The following ACBD5 variants were observed in gnomAD, a reference collection of about 807,000 sequenced individuals.
The protein encoded by ACBD5 is acyl-CoA-binding domain-containing protein 5.
In ACBD5, 40 loss-of-function variants were observed where a neutral mutation model predicts 71.8. That is an observed-to-expected ratio of 0.56 (90% CI 0.43 to 0.72). ACBD5 has a LOEUF of 0.72. Among genes scored for constraint, ACBD5 ranks in the 30% least tolerant of loss-of-function variants. The pLI, the probability that ACBD5 is intolerant of heterozygous loss-of-function variation, is 0.00. For missense variants in ACBD5, 559 were observed against 644.5 expected (o/e 0.87, Z 1.44); for synonymous variants, 229 against 218.6 (o/e 1.05, Z -0.42).
intron 10 of ACBD5, among the ~76,000 whole-genome samples, chr10:27,207,474 A>G (rs1011304322): frequency 6.6e-6 from 1 of 152,138 alleles, no homozygotes; most frequent in Non-Finnish European, 1.5e-5. Context: ...TTATCTTGCA[A>G]TGGAAGCATG....
intron 13 of ACBD5, among the ~76,000 whole-genome samples, chr10:27,189,620 T>C (rs1318996621): frequency 3.5e-5 from 1 of 28,950 alleles, no homozygotes; most frequent in African/African-American, 1.2e-4. Flanking sequence ...TGGGGCCTGT[T>C]GTGGGGTGGG....
chr10:27,219,318 A>AAC lies in ACBD5; in HGVS notation c.625+404_625+405insGT, dbSNP rs71919528. 7.7e-4 allele frequency among the ~76,000 whole-genome samples: 116 copies of AAC among 150,972 alleles called. No individual in the cohort carries two copies. The East Asian group carries it at 7.8e-3, about 10-fold the overall frequency. ...CGAGACTCTATCTCATAAAAAAACA[A>AAC]AAAAAAAACACTATGCCTTTATCCT... On this transcript the variant is annotated intron_variant, in intron 6 of 12. Coordinates refer to ENST00000396271, the MANE Select transcript of ACBD5 (RefSeq NM_145698.5).
downstream of ACBD5, chr10:27,195,099 G>A (rs1373031880): frequency 1.5e-5 from 4 of 261,892 alleles, no homozygotes; most frequent in Non-Finnish European, 3.0e-5. Flanking sequence ...CAAATTGTGT[G>A]GAATAGCATG....
downstream of ACBD5, among the ~76,000 whole-genome samples, chr10:27,194,026 G>A (rs2059193350): frequency 6.6e-6 from 1 of 151,606 alleles, no homozygotes; most frequent in African/African-American, 2.4e-5. Context: ...TGAGGCAGGT[G>A]AATCACCTGA....
At chr10:27,202,927 TAGA>T (rs1427822140) in intron 12 of ACBD5, among the ~76,000 whole-genome samples, 2 of 149,034 alleles carry the variant, frequency 1.3e-5, no homozygotes, top group African/African-American at 2.5e-5. Context: ...TGAAAATGTA[TAGA>T]AGAAGAAAAG....
chr10:27,224,316 G>A (rs776737031), intron 4 of ACBD5, among the ~76,000 whole-genome samples: 6 of 152,004 alleles, frequency 3.9e-5, no homozygotes, highest in Admixed American at 6.6e-5. Flanking sequence ...AATTGAGGCT[G>A]CAGTGAGCCA....
At chr10:27,232,087 A>T (rs2063941945) in intron 3 of ACBD5, among the ~76,000 whole-genome samples, 1 of 152,194 alleles carries the variant, frequency 6.6e-6, no homozygotes, top group African/African-American at 2.4e-5. Flanking sequence ...ATTTGATAAG[A>T]ATCCTTCAAA....
intron 10 of ACBD5, among the ~76,000 whole-genome samples, chr10:27,207,134 G>A (rs1430425179): frequency 6.6e-6 from 1 of 151,828 alleles, no homozygotes; most frequent in African/African-American, 2.4e-5. Flanking sequence ...AAATTAGCTG[G>A]GCATGGTGGC....
Position 27,196,419 on chromosome 10 carries a change from G to A in ACBD5, c.*1011C>T, listed in dbSNP as rs768277467. The A allele has an allele frequency of 9.7e-5, 44 of 454,348 alleles. No homozygotes were observed. Among genetic ancestry groups the A allele is most frequent in the Admixed American group, 5.9e-4 (25 of 42,534 alleles). The allele number at this position is 454,348 out of a possible 1,614,324, so 28.1% of individuals were successfully genotyped here. A position where few individuals can be genotyped will look rare whatever the true frequency, so the allele number is the denominator to read the frequency against. On this transcript the variant is annotated 3_prime_UTR_variant, in exon 13 of 13. Transcript: ENST00000396271. Reference sequence around the variant, plus strand: ...TCCTATGGAAGCATTTGGCCCGTTAGCTTGCAAATCCCTCCAGTACTCCTG... The same window carrying A: ...TCCTATGGAAGCATTTGGCCCGTTAACTTGCAAATCCCTCCAGTACTCCTG...
At position 27,195,676 on chromosome 10, in the gene ACBD5, A is replaced by T. The variant is rs1158560281; in HGVS notation, c.*1754T>A. 12 of 422,094 alleles carry T rather than the reference A, an allele frequency of 2.8e-5. No homozygotes were observed. Among genetic ancestry groups the T allele is most frequent in the Non-Finnish European group, 1.4e-5 (3 of 217,564 alleles). The allele number at this position is 422,094 out of a possible 1,614,324, so 26.1% of individuals were successfully genotyped here. A position where few individuals can be genotyped will look rare whatever the true frequency, so the allele number is the denominator to read the frequency against. ...AGGGAACACTTTTTTAAAAGCAAAT[A>T]GTAGTAGATCCCTTTAGACAGACAT... On this transcript the variant is annotated 3_prime_UTR_variant, in exon 13 of 13. Coordinates refer to ENST00000396271, the MANE Select transcript of ACBD5 (RefSeq NM_145698.5).
At chr10:27,197,493 T>G in intron 12 of ACBD5, 51 bp from the exon 13 acceptor site, 1 of 1,332,182 alleles carries the variant, frequency 7.5e-7, no homozygotes, top group Non-Finnish European at 1.1e-6. Context: ...ATGCAAATAA[T>G]TCTCTGGATG....
intron 3 of ACBD5, among the ~76,000 whole-genome samples, chr10:27,234,327 C>A (rs1254505233): frequency 1.3e-5 from 2 of 151,896 alleles, no homozygotes; most frequent in Non-Finnish European, 2.9e-5. Flanking sequence ...TCAGAAGTGA[C>A]AGCTTAGATA....
At chr10:27,232,325 G>GT (rs370593315) in intron 3 of ACBD5, 5,029 of 115,576 alleles carry the variant, frequency 0.044, 136 homozygotes, top group African/African-American at 0.077. Flanking sequence ...TCAGGCATGG[G>GT]TTTTTTTTTT....
intron 12 of ACBD5, 151 bp from the exon 13 acceptor site, chr10:27,197,593 T>C: frequency 1.5e-6 from 1 of 650,700 alleles, no homozygotes; most frequent in Non-Finnish European, 2.7e-6. Flanking sequence ...ACTTGCAGCC[T>C]GATAGGAAAG....
chr10:27,219,803 G>C lies in ACBD5; in HGVS notation c.545C>G (p.Ala182Gly). The C allele has an allele frequency of 6.2e-7, 1 of 1,614,032 alleles. No homozygotes were observed. Among genetic ancestry groups the C allele is most frequent in the Non-Finnish European group, 8.5e-7 (1 of 1,180,018 alleles). ...CTCGGCTCCACTGTCACTGCTTTCA[G>C]CTTTACCATTAACGGTTTTGGCGTT... ...TPNAKTVNGK[A>G]ESSDSGAESE... The change falls in exon 6 of 13, where the codon GCT (alanine) becomes GGT (glycine). Residue 182 changes from alanine (A) to glycine (G), a missense_variant. By Grantham distance (60) the Ala-to-Gly change is moderately conservative. Coordinates refer to ENST00000396271, the MANE Select transcript of ACBD5 (RefSeq NM_145698.5).
At chr10:27,227,753 C>T (rs960779040) in intron 4 of ACBD5, among the ~76,000 whole-genome samples, 2 of 152,038 alleles carry the variant, frequency 1.3e-5, no homozygotes, top group Admixed American at 1.3e-4. Flanking sequence ...CGCTCTGTTG[C>T]TCAGGCTGGA....
intron 3 of ACBD5, 77 bp from the exon 4 acceptor site, chr10:27,231,897 C>T (rs1237514978): frequency 1.5e-6 from 2 of 1,355,514 alleles, no homozygotes; most frequent in South Asian, 2.3e-5. Context: ...ATAGTTGATG[C>T]TATAGGGTTA....
At chr10:27,211,108 A>G in intron 8 of ACBD5, 27 bp from the exon 9 acceptor site, 1 of 1,612,692 alleles carries the variant, frequency 6.2e-7, no homozygotes, top group Non-Finnish European at 8.5e-7. Context: ...ACACTTAGTT[A>G]AAAGCTAGAA....
At chr10:27,204,326 C>G in intron 12 of ACBD5, 114 bp downstream of exon 12, 4 of 741,822 alleles carry the variant, frequency 5.4e-6, no homozygotes, top group Non-Finnish European at 9.5e-6. Flanking sequence ...AGAATGTTCA[C>G]TATGACGATG....
Sources: gnomAD v4.1 joint callset for allele counts (sites outside exome capture counted in the v4.1 genomes callset) on GRCh38, gnomAD v4.1.1 for gene constraint, MANE v1.5 for transcripts, NCBI Gene and HGNC (gene_info 2026-07-23, HGNC 2026-07-21) for gene names.